Variants in CDH13 observed in about 807,000 individuals in gnomAD.
CDH13 encodes cadherin 13, also known as cadherin-13.
CDH13 carries 24 observed loss-of-function variants against 63.8 expected under a neutral mutation model. The ratio of observed to expected loss-of-function variants is 0.38; its 90% CI spans 0.27 to 0.53. CDH13 has a LOEUF of 0.53. Ranked by LOEUF, CDH13 falls within the 20% of genes least tolerant of loss-of-function variation. The probability of loss-of-function intolerance (pLI) is 0.85; values close to 1 mark genes in which losing one functional copy is unlikely to be tolerated. For synonymous variants in CDH13, 503 were observed against 355.3 expected (o/e 1.42, Z -4.67); for missense variants, 1,049 against 903.1 (o/e 1.16, Z -2.07).
chr16:82,664,309 C>T (rs759679182), intron 1 of CDH13, among the ~76,000 whole-genome samples: 3 of 152,344 alleles, frequency 2.0e-5, no homozygotes, highest in South Asian at 2.1e-4. Context: ...AAGCATCCTG[C>T]TTCACTCTTG....
intron 1 of CDH13, among the ~76,000 whole-genome samples, chr16:82,719,071 T>G (rs114014989): frequency 0.015 from 2,209 of 152,330 alleles, 63 homozygotes; most frequent in African/African-American, 0.051. Flanking sequence ...TGGGTGGTTA[T>G]GAGCCTTAAA....
chr16:82,862,887 G>T (rs1481399889), intron 2 of CDH13, among the ~76,000 whole-genome samples: 1 of 152,160 alleles, frequency 6.6e-6, no homozygotes, highest in Non-Finnish European at 1.5e-5. Flanking sequence ...TTCCAACTTG[G>T]TCCTACCATC....
At chr16:82,934,220 C>G (rs1432129323) in intron 2 of CDH13, among the ~76,000 whole-genome samples, 2 of 152,208 alleles carry the variant, frequency 1.3e-5, no homozygotes, top group African/African-American at 2.4e-5. Flanking sequence ...GCAGATGTTC[C>G]CAAACTCCAA....
At chr16:83,518,456 G>T (rs1473767117) in intron 7 of CDH13, among the ~76,000 whole-genome samples, 1 of 144,144 alleles carries the variant, frequency 6.9e-6, no homozygotes, top group African/African-American at 2.6e-5. Flanking sequence ...AGATGTGATG[G>T]GTTTTTTTTT....
intron 1 of CDH13, among the ~76,000 whole-genome samples, chr16:82,731,130 G>C (rs2033381904): frequency 6.6e-6 from 1 of 152,150 alleles, no homozygotes; most frequent in Admixed American, 6.5e-5. Context: ...GACAGGAACT[G>C]GCAAACACCT....
Position 83,187,258 on chromosome 16 carries a change from C to T in CDH13, c.484-30087C>T, listed in dbSNP as rs140361521. Among the ~76,000 whole-genome samples the T allele has an allele frequency of 2.9e-3, 445 of 152,332 alleles. 18 individuals carry two copies. The East Asian group carries it at 0.083, about 28-fold the overall frequency. Reference sequence around the variant, plus strand: ...AGTCTGGAATTACAGGCGTAAGCCACCACGCCTGGCCCCAAACAAAATTTA... The same window carrying T: ...AGTCTGGAATTACAGGCGTAAGCCATCACGCCTGGCCCCAAACAAAATTTA... On this transcript the variant is annotated intron_variant, in intron 4 of 13. Transcript: ENST00000567109.
intron 3 of CDH13, among the ~76,000 whole-genome samples, chr16:83,105,212 G>C (rs9927709): frequency 0.092 from 13,984 of 152,198 alleles, 2,167 homozygotes; most frequent in African/African-American, 0.32. Flanking sequence ...CAGGATCACC[G>C]TAAGATTCTA....
intron 2 of CDH13, among the ~76,000 whole-genome samples, chr16:83,024,235 A>G (rs1264798585): frequency 6.6e-6 from 1 of 152,190 alleles, no homozygotes; most frequent in African/African-American, 2.4e-5. Context: ...TAGTGGATAC[A>G]AGGACACACT....
chr16:83,568,303 C>G (rs1904306261), intron 7 of CDH13, among the ~76,000 whole-genome samples: 1 of 152,166 alleles, frequency 6.6e-6, no homozygotes, highest in South Asian at 2.1e-4. Context: ...TAAAGATGAA[C>G]TGGAGAGTGG....
intron 3 of CDH13, among the ~76,000 whole-genome samples, chr16:83,121,901 G>T (rs1226442551): frequency 6.6e-6 from 1 of 152,006 alleles, no homozygotes; most frequent in Non-Finnish European, 1.5e-5. Flanking sequence ...GATGCTTTCA[G>T]AGCCTTAGCT....
intron 6 of CDH13, among the ~76,000 whole-genome samples, chr16:83,355,554 A>G (rs2091035343): frequency 2.0e-5 from 3 of 152,332 alleles, no homozygotes; most frequent in East Asian, 1.9e-4. Flanking sequence ...GAATCCCGAT[A>G]AACTGTTTTT....
At chr16:83,057,550 T>C (rs990495299) in intron 3 of CDH13, among the ~76,000 whole-genome samples, 1 of 151,660 alleles carries the variant, frequency 6.6e-6, no homozygotes, top group African/African-American at 2.4e-5. Context: ...CCCGCTTTTA[T>C]TGAGTTAGCA....
intron 2 of CDH13, among the ~76,000 whole-genome samples, chr16:82,908,182 A>G (rs1052500963): frequency 1.3e-5 from 2 of 152,184 alleles, no homozygotes; most frequent in African/African-American, 4.8e-5. Flanking sequence ...AGGAAAAGGA[A>G]AACGTCTGGA....
At chr16:83,044,844 G>C (rs571439483) in intron 3 of CDH13, among the ~76,000 whole-genome samples, 1 of 152,092 alleles carries the variant, frequency 6.6e-6, no homozygotes, top group Admixed American at 6.6e-5. Context: ...GCAGCTGCTC[G>C]GGGCTTTCAC....
In CDH13 at chr16:83,716,705, A is replaced by T. The variant is rs960827658; in HGVS notation, c.1539-31403A>T. Reference sequence around the variant, plus strand: ...CACTATGTTGGCCGGGCTGGTCTCAAATCCCTGACCTCATGATCCGCCCTC... The same window carrying T: ...CACTATGTTGGCCGGGCTGGTCTCATATCCCTGACCTCATGATCCGCCCTC... On this transcript the variant is annotated intron_variant, in intron 10 of 13. Coordinates refer to ENST00000567109, the MANE Select transcript of CDH13 (RefSeq NM_001257.5). 2.6e-5 allele frequency among the ~76,000 whole-genome samples: 4 copies of T among 152,140 alleles called. No individual in the cohort carries two copies. In the South Asian group the frequency reaches 8.3e-4, roughly 32 times the overall value.
chr16:83,559,647 G>C (rs1395741584), intron 7 of CDH13, among the ~76,000 whole-genome samples: 1 of 151,860 alleles, frequency 6.6e-6, no homozygotes, highest in Non-Finnish European at 1.5e-5. Context: ...GAGAGGGAGG[G>C]AGGGAGCGAG....
chr16:83,676,676 T>G (rs1479000218), intron 9 of CDH13, among the ~76,000 whole-genome samples: 1 of 152,228 alleles, frequency 6.6e-6, no homozygotes, highest in African/African-American at 2.4e-5. Flanking sequence ...TAAAATCCTA[T>G]TACTGACCCT....
intron 4 of CDH13, among the ~76,000 whole-genome samples, chr16:83,183,832 C>G (rs1345484439): frequency 6.6e-6 from 1 of 152,072 alleles, no homozygotes; most frequent in Non-Finnish European, 1.5e-5. Flanking sequence ...CAAAATGTGT[C>G]CTTCAAATAA....
intron 2 of CDH13, among the ~76,000 whole-genome samples, chr16:82,945,318 A>G (rs957905993): frequency 6.6e-6 from 1 of 152,206 alleles, no homozygotes; most frequent in African/African-American, 2.4e-5. Context: ...TTAATACAAA[A>G]AAACAAAGGG....
Sources: allele counts gnomAD v4.1 joint callset (sites outside exome capture counted in the v4.1 genomes callset), GRCh38; gene constraint gnomAD v4.1.1; transcripts MANE v1.5; gene names NCBI Gene and HGNC (gene_info 2026-07-23, HGNC 2026-07-21).